FAM53B: variants seen among roughly 807,000 people sequenced by gnomAD.
The protein encoded by FAM53B is protein FAM53B.
In FAM53B, 12 loss-of-function variants were observed where a neutral mutation model predicts 32.7. The observed-to-expected ratio is 0.37, with a 90% confidence interval of 0.24 to 0.59. FAM53B has a LOEUF of 0.59. Among genes scored for constraint, FAM53B ranks in the 20% least tolerant of loss-of-function variants. The pLI is 0.72. For missense variants in FAM53B, 477 were observed against 577.7 expected (o/e 0.83, Z 1.79); for synonymous variants, 234 against 228.7 (o/e 1.02, Z -0.21).
chr10:124,623,888 G>A (rs1405077530), intron 4 of FAM53B: 11 of 418,100 alleles, frequency 2.6e-5, no homozygotes, highest in Admixed American at 4.1e-5. Context: ...GGGGGGCTGC[G>A]GTGAAACAGG....
chr10:124,695,817 C>T (rs529496850), intron 3 of FAM53B, among the ~76,000 whole-genome samples: 1 of 152,144 alleles, frequency 6.6e-6, no homozygotes, highest in Admixed American at 6.5e-5. Flanking sequence ...TAAACATACA[C>T]AAAAATATCA....
At chr10:124,644,464 G>A (rs1564865751) in intron 4 of FAM53B, among the ~76,000 whole-genome samples, 1 of 152,146 alleles carries the variant, frequency 6.6e-6, no homozygotes, top group African/African-American at 2.4e-5. Flanking sequence ...TAGAATTCCA[G>A]GACAGCTCCT....
intron 4 of FAM53B, among the ~76,000 whole-genome samples, chr10:124,674,930 C>A (rs1949728122): frequency 6.6e-6 from 1 of 152,220 alleles, no homozygotes; most frequent in Non-Finnish European, 1.5e-5. Flanking sequence ...TAGGAAAGGG[C>A]CCCTACTTCA....
intron 4 of FAM53B, chr10:124,671,064 T>C: frequency 2.3e-6 from 1 of 431,528 alleles, no homozygotes; most frequent in South Asian, 1.6e-5. Flanking sequence ...AACTGAAGGA[T>C]GCTGAGCAGA....
intron 4 of FAM53B, among the ~76,000 whole-genome samples, chr10:124,674,735 G>A (rs377150695): frequency 1.3e-5 from 2 of 152,346 alleles, no homozygotes; most frequent in African/African-American, 4.8e-5. Flanking sequence ...CAAGACTGGC[G>A]ATGTCCTCAG....
intron 3 of FAM53B, among the ~76,000 whole-genome samples, chr10:124,683,497 C>T (rs1949785286): frequency 6.6e-6 from 1 of 152,098 alleles, no homozygotes; most frequent in South Asian, 2.1e-4. Flanking sequence ...AAATGCACGC[C>T]GGGTCTCTCA....
chr10:124,697,982 T>C (rs1024584472), intron 2 of FAM53B, among the ~76,000 whole-genome samples: 1 of 152,172 alleles, frequency 6.6e-6, no homozygotes. Flanking sequence ...AGTCATCCAA[T>C]GGCAAGTGGA....
At chr10:124,654,229 G>A (rs1006185829) in intron 4 of FAM53B, among the ~76,000 whole-genome samples, 2 of 152,256 alleles carry the variant, frequency 1.3e-5, no homozygotes, top group Admixed American at 6.5e-5. Flanking sequence ...TGCGAAGTGC[G>A]ATTGTCATCG....
In FAM53B at chr10:124,706,680, G is replaced by T; in HGVS notation, c.34C>A (p.Arg12=). The T allele has an allele frequency of 6.2e-7, 1 of 1,614,174 alleles. No individual in the cohort carries two copies. Among genetic ancestry groups the T allele is most frequent in the Non-Finnish European group, 8.5e-7 (1 of 1,180,020 alleles). ...CCACATGCAATGGAGTCAGCTCCCC[G>T]GGTGCTGAGGCTTTCACTTAGGACC... The part of the protein sequence containing the change: ...VMVLSESLST[R]GADSIACGTF... The change falls in exon 2 of 5, where the codon CGG becomes AGG. Residue 12 remains arginine, a synonymous_variant. Transcript: ENST00000337318.
At chr10:124,641,193 C>T (rs1949469235) in intron 4 of FAM53B, among the ~76,000 whole-genome samples, 1 of 152,218 alleles carries the variant, frequency 6.6e-6, no homozygotes, top group Non-Finnish European at 1.5e-5. Context: ...GGTAAATGCT[C>T]ACACGTCACA....
intron 1 of FAM53B, among the ~76,000 whole-genome samples, chr10:124,729,157 C>T (rs1001512596): frequency 5.3e-4 from 81 of 152,316 alleles, no homozygotes; most frequent in African/African-American, 1.8e-3. Flanking sequence ...TGCCCGGGTT[C>T]TTTTGGGCAC....
At chr10:124,642,832 G>A (rs117803272) in intron 4 of FAM53B, among the ~76,000 whole-genome samples, 2,908 of 152,320 alleles carry the variant, frequency 0.019, 48 homozygotes, top group South Asian at 0.095. Context: ...TCTTGAAGCT[G>A]CAGCACACGG....
At chr10:124,652,894 C>T (rs959702024) in intron 4 of FAM53B, among the ~76,000 whole-genome samples, 1 of 152,212 alleles carries the variant, frequency 6.6e-6, no homozygotes, top group South Asian at 2.1e-4. Context: ...CCAGCCCACA[C>T]AGGCAGACGA....
chr10:124,676,908 T>C (rs7076121), intron 4 of FAM53B, among the ~76,000 whole-genome samples: 35 of 152,210 alleles, frequency 2.3e-4, no homozygotes, highest in African/African-American at 7.7e-4. Flanking sequence ...CTGCCTGTTC[T>C]GAGGCCTGCT....
chr10:124,732,029 G>A (rs1330413162), intron 1 of FAM53B, among the ~76,000 whole-genome samples: 2 of 152,176 alleles, frequency 1.3e-5, no homozygotes, highest in African/African-American at 4.8e-5. Flanking sequence ...CCTGAGCAGA[G>A]GAGAGGGCAA....
intron 3 of FAM53B, among the ~76,000 whole-genome samples, chr10:124,685,267 C>T (rs1363764208): frequency 6.6e-6 from 1 of 152,180 alleles, no homozygotes; most frequent in East Asian, 1.9e-4. Context: ...CTTCTATAGT[C>T]TCCAAATGTC....
At chr10:124,737,387 G>C (rs1950178977) in intron 1 of FAM53B, among the ~76,000 whole-genome samples, 1 of 152,198 alleles carries the variant, frequency 6.6e-6, no homozygotes, top group Non-Finnish European at 1.5e-5. Flanking sequence ...TTGGGACTGG[G>C]GGGTGGGGAC....
In FAM53B at chr10:124,706,818, A is replaced by T. The variant is rs1949962480; in HGVS notation, c.-105T>A. ...TCCTGGGGAATTGATGTCAGCAGAAACAGCTCCCCATTGGCCACTCACCCT... is the reference window on the plus strand; with the variant it reads ...TCCTGGGGAATTGATGTCAGCAGAATCAGCTCCCCATTGGCCACTCACCCT... On this transcript the variant is annotated 5_prime_UTR_variant, in exon 2 of 5. It introduces an in-frame stop codon into an upstream open reading frame of the 5' UTR. Coordinates refer to ENST00000337318, the MANE Select transcript of FAM53B (RefSeq NM_014661.4). 1.3e-6 allele frequency: 2 copies of T among 1,575,136 alleles called. No homozygotes were observed. The highest frequency in any genetic ancestry group is 3.5e-5 in the Admixed American group (2 of 56,628).
rs1321652534 is a variant in FAM53B at position 124,737,704 on chromosome 10, G to GT, written c.-175+6308dup. On this transcript the variant is annotated intron_variant, in intron 1 of 4. Coordinates refer to ENST00000337318, the MANE Select transcript of FAM53B (RefSeq NM_014661.4). ...CATTCTAAACACAATTCTATGAAAT[G>GT]TAATCCTGAGTATGTTCACAGGAAG... Among the ~76,000 whole-genome samples the GT allele has an allele frequency of 2.0e-5, 3 of 152,158 alleles. No homozygotes were observed. In the East Asian group the frequency reaches 5.8e-4, roughly 29 times the overall value.
Sources: allele counts gnomAD v4.1 joint callset (sites outside exome capture counted in the v4.1 genomes callset), GRCh38; gene constraint gnomAD v4.1.1; transcripts MANE v1.5; gene names NCBI Gene and HGNC (gene_info 2026-07-23, HGNC 2026-07-21).